Variants in ITSN1 observed in about 807,000 individuals in gnomAD.
The protein encoded by ITSN1 is intersectin 1.
Under a neutral mutation model 239.8 loss-of-function variants are expected in ITSN1, and 58 were observed. The observed-to-expected ratio is 0.24, with a 90% CI of 0.20 to 0.30. ITSN1 has a LOEUF of 0.30. Ranked by LOEUF, ITSN1 falls within the 10% of genes least tolerant of loss-of-function variation. ITSN1 has a pLI of 1.00. For synonymous variants in ITSN1, 780 were observed against 770.8 expected, an observed-to-expected ratio of 1.01 and a Z score of -0.20; for missense variants, 1,558 against 2,103.3, an observed-to-expected ratio of 0.74 and a Z score of 5.07.
intron 31 of ITSN1, among the ~76,000 whole-genome samples, chr21:33,863,302 G>T (rs150957333): frequency 6.6e-6 from 1 of 152,220 alleles, no homozygotes; most frequent in African/African-American, 2.4e-5. Context: ...ATCACTGTCT[G>T]CAGATGCTCT....
At chr21:33,706,609 G>C (rs912151111) in intron 1 of ITSN1, among the ~76,000 whole-genome samples, 12 of 151,966 alleles carry the variant, frequency 7.9e-5, no homozygotes, top group Admixed American at 3.9e-4. Flanking sequence ...TTTTTAAAAA[G>C]AAATTTTCTT....
chr21:33,876,336 C>T (rs1274681167), intron 34 of ITSN1, among the ~76,000 whole-genome samples: 1 of 149,800 alleles, frequency 6.7e-6, no homozygotes, highest in African/African-American at 2.5e-5. Context: ...TTCTTTCCTT[C>T]CTTCCTTTCT....
At position 33,740,584 on chromosome 21, in the gene ITSN1, T is replaced by C. The variant is rs372959128; in HGVS notation, c.346+5380T>C. Among the ~76,000 whole-genome samples the C allele has an allele frequency of 2.6e-5, 4 of 152,288 alleles. No individual in the cohort carries two copies. The South Asian group carries it at 6.2e-4, about 24-fold the overall frequency. ...ACCTTGACAAGCAGTTTCAGTATAG[T>C]GATAGGGACAAAATCCTGATTGGAG... On this transcript the variant is annotated intron_variant, in intron 5 of 39. Coordinates refer to ENST00000381318, the MANE Select transcript of ITSN1 (RefSeq NM_003024.3).
At chr21:33,757,291 A>G (rs954432803) in intron 8 of ITSN1, among the ~76,000 whole-genome samples, 2 of 152,196 alleles carry the variant, frequency 1.3e-5, no homozygotes, top group Admixed American at 1.3e-4. Flanking sequence ...GAAATGCAGT[A>G]TCTACATTCC....
intron 21 of ITSN1, 96 bp downstream of exon 21, chr21:33,811,318 C>A: frequency 7.9e-7 from 1 of 1,258,656 alleles, no homozygotes; most frequent in South Asian, 1.6e-5. Context: ...TTGGATTGTC[C>A]TTCTATGTGA....
At chr21:33,671,162 G>A (rs548376368) in intron 1 of ITSN1, among the ~76,000 whole-genome samples, 1 of 152,150 alleles carries the variant, frequency 6.6e-6, no homozygotes, top group African/African-American at 2.4e-5. Context: ...AATGCCAGTG[G>A]TGCCTCCCAG....
intron 1 of ITSN1, among the ~76,000 whole-genome samples, chr21:33,672,457 A>T (rs1180858424): frequency 6.6e-6 from 1 of 150,800 alleles, no homozygotes; most frequent in East Asian, 1.9e-4. Context: ...GATGGCCATT[A>T]TAAAAAAAGA....
At position 33,885,059 on chromosome 21, in the gene ITSN1, A is replaced by C; in HGVS notation, c.4695A>C (p.Lys1565Asn). ...SINERTAWVQ[K>N]IKAASELYIE... ...GTCCAAGGACTGCCTGGGTGCAGAA[A>C]ATCAAAGCTGCTTCTGAACTCTACA... The change falls in exon 37 of 40, where the codon AAA becomes AAC. Residue 1565 changes from lysine to asparagine, a missense_variant. Physicochemically the swap from Lys to Asn is moderately conservative, Grantham distance 94. Coordinates refer to ENST00000381318, the MANE Select transcript of ITSN1 (RefSeq NM_003024.3). The C allele has an allele frequency of 6.2e-7, 1 of 1,614,146 alleles. No homozygotes were observed. Among genetic ancestry groups the C allele is most frequent in the Non-Finnish European group, 8.5e-7 (1 of 1,179,998 alleles).
intron 1 of ITSN1, among the ~76,000 whole-genome samples, chr21:33,697,967 G>C (rs2091868748): frequency 6.6e-6 from 1 of 152,182 alleles, no homozygotes; most frequent in Non-Finnish European, 1.5e-5. Flanking sequence ...AGAAAAAAGA[G>C]CTTCAAAGAG....
chr21:33,898,114 C>T lies in ITSN1; in HGVS notation c.*9814C>T, dbSNP rs1986885763. The T allele has an allele frequency of 2.0e-5, 3 of 152,196 alleles. No individual in the cohort carries two copies. Among genetic ancestry groups the T allele is most frequent in the South Asian group, 2.1e-4 (1 of 4,828 alleles). The allele number at this position is 152,196 out of a possible 1,614,324, so 9.4% of individuals were successfully genotyped here. ...TGTTTTTCATCAGATCCATGTGCCA[C>T]GCAGGCTTCCTTGGGTTCTAGTGGA... On this transcript the variant is annotated 3_prime_UTR_variant, in exon 40 of 40. Coordinates refer to ENST00000381318, the MANE Select transcript of ITSN1 (RefSeq NM_003024.3).
chr21:33,724,311 G>A (rs1026468438), intron 4 of ITSN1, among the ~76,000 whole-genome samples: 1 of 152,118 alleles, frequency 6.6e-6, no homozygotes, highest in African/African-American at 2.4e-5. Flanking sequence ...ATAACCAAGC[G>A]GTTTTGGAAT....
rs1239869742 is a variant in ITSN1 at position 33,893,585 on chromosome 21, T to C, written c.*5285T>C. On this transcript the variant is annotated 3_prime_UTR_variant, in exon 40 of 40. Coordinates refer to ENST00000381318, the MANE Select transcript of ITSN1 (RefSeq NM_003024.3). ...AGCCTGGGTAACAGAGCGAGAGTCCTTCTCAAAACAAACAAAAAAAGAGCT... is the reference window on the plus strand; with the variant it reads ...AGCCTGGGTAACAGAGCGAGAGTCCCTCTCAAAACAAACAAAAAAAGAGCT... 1 of 152,170 alleles carries C rather than the reference T, an allele frequency of 6.6e-6. No individual in the cohort carries two copies. Among genetic ancestry groups the C allele is most frequent in the African/African-American group, 2.4e-5 (1 of 41,420 alleles). 9.4% of individuals were successfully genotyped at this position (152,170 alleles called of 1,614,324 possible). A position where few individuals can be genotyped will look rare whatever the true frequency, so the allele number is the denominator to read the frequency against.
chr21:33,849,876 A>G (rs1179707084), intron 29 of ITSN1, among the ~76,000 whole-genome samples: 2 of 152,328 alleles, frequency 1.3e-5, no homozygotes, highest in African/African-American at 2.4e-5. Flanking sequence ...TACTTTCATT[A>G]TAACATGCCA....
At chr21:33,886,089 T>C (rs374230710) in intron 38 of ITSN1, among the ~76,000 whole-genome samples, 198 bp from the exon 39 acceptor site, 1 of 151,576 alleles carries the variant, frequency 6.6e-6, no homozygotes, top group East Asian at 1.9e-4. Flanking sequence ...CCACCTGTAA[T>C]ACCAGCTATT....
chr21:33,683,179 A>G (rs1464211795), intron 1 of ITSN1, among the ~76,000 whole-genome samples: 1 of 150,786 alleles, frequency 6.6e-6, no homozygotes, highest in African/African-American at 2.4e-5. Context: ...CTGGGGAATC[A>G]GGCGCTGACT....
At chr21:33,795,881 T>C (rs1013625758) in intron 17 of ITSN1, among the ~76,000 whole-genome samples, 1 of 151,786 alleles carries the variant, frequency 6.6e-6, no homozygotes, top group Admixed American at 6.6e-5. Flanking sequence ...AACTGCAAAT[T>C]AACGTCAGAA....
In ITSN1 at chr21:33,794,435, T is replaced by G; in HGVS notation, c.1919T>G (p.Ile640Arg). ...CAGAAAGAACAAGAACGAAAGATCATAGAATTAGAAAAACAAAAAGAAGAA... is the reference window on the plus strand; with the variant it reads ...CAGAAAGAACAAGAACGAAAGATCAGAGAATTAGAAAAACAAAAAGAAGAA... ...LKQKEQERKI[I>R]ELEKQKEEAQ... is the part of the protein sequence containing the mutation. The change falls in exon 17 of 40, where the codon ATA (isoleucine) becomes AGA (arginine). Residue 640 changes from isoleucine (I) to arginine (R), a missense_variant. Coordinates refer to ENST00000381318, the MANE Select transcript of ITSN1 (RefSeq NM_003024.3). 1 of 1,613,328 alleles carries G rather than the reference T, an allele frequency of 6.2e-7. No individual in the cohort carries two copies. Among genetic ancestry groups the G allele is most frequent in the African/African-American group, 1.3e-5 (1 of 74,908 alleles).
At chr21:33,727,008 C>T (rs1332416496) in intron 4 of ITSN1, among the ~76,000 whole-genome samples, 2 of 152,134 alleles carry the variant, frequency 1.3e-5, no homozygotes, top group African/African-American at 4.8e-5. Flanking sequence ...AATTTGTTAA[C>T]TTTCAACTGT....
intron 22 of ITSN1, among the ~76,000 whole-genome samples, chr21:33,815,448 A>C (rs980407635): frequency 3.3e-5 from 5 of 152,232 alleles, no homozygotes; most frequent in African/African-American, 1.2e-4. Flanking sequence ...TATGTTACTA[A>C]GTACCGTGGT....
Sources: allele counts gnomAD v4.1 joint callset (sites outside exome capture counted in the v4.1 genomes callset), GRCh38; gene constraint gnomAD v4.1.1; transcripts MANE v1.5; gene names NCBI Gene and HGNC (gene_info 2026-07-23, HGNC 2026-07-21).